Variants in TRIM39 observed in about 807,000 individuals in gnomAD.
TRIM39 encodes the protein tripartite motif containing 39.
A neutral mutation model predicts 53.6 loss-of-function variants in TRIM39; 5 were observed. That is an observed-to-expected ratio of 0.09 (90% CI 0.05 to 0.20). The LOEUF is 0.20. TRIM39 is among the 10% of genes least tolerant of loss of function. TRIM39 has a pLI of 1.00. For synonymous variants in TRIM39, 196 were observed against 237.6 expected, an observed-to-expected ratio of 0.82 and a Z score of 1.61; for missense variants, 310 against 621.0, an observed-to-expected ratio of 0.50 and a Z score of 5.32.
At chr6:30,333,982 C>T (rs1786545656) in intron 4 of TRIM39, among the ~76,000 whole-genome samples, 1 of 152,024 alleles carries the variant, frequency 6.6e-6, no homozygotes, top group Non-Finnish European at 1.5e-5. Flanking sequence ...AACACACATG[C>T]ATGCACACAC....
At position 30,341,876 on chromosome 6, in the gene TRIM39, C is replaced by T; in HGVS notation, c.1084C>T (p.Arg362Ter). 6.2e-7 allele frequency: 1 copy of T among 1,612,916 alleles called. No homozygotes were observed. The highest frequency in any genetic ancestry group is 8.5e-7 in the Non-Finnish European group (1 of 1,180,008). Residue 362 changes from arginine to a stop codon, truncating the protein, a stop_gained, in exon 8 of 8, where the codon CGA becomes TGA. Coordinates refer to ENST00000396551, the Ensembl canonical transcript of TRIM39. LOFTEE classifies it high-confidence loss of function. ...GGCTACTGAGGGTTTCACCTCAGGTCGACACTACTGGGAGGTGGAGGTGGG... is the reference window on the plus strand; with the variant it reads ...GGCTACTGAGGGTTTCACCTCAGGTTGACACTACTGGGAGGTGGAGGTGGG...
At chr6:30,333,058 A>G (rs1405392100) in intron 4 of TRIM39, among the ~76,000 whole-genome samples, 1 of 152,328 alleles carries the variant, frequency 6.6e-6, no homozygotes, top group East Asian at 1.9e-4. Flanking sequence ...TTTACAGTGT[A>G]GCTGGTTATA....
At chr6:30,334,121 C>G (rs1212274503) in intron 4 of TRIM39, among the ~76,000 whole-genome samples, 1 of 152,218 alleles carries the variant, frequency 6.6e-6, no homozygotes, top group Non-Finnish European at 1.5e-5. Context: ...ACTAGAAGAG[C>G]TAGTCAGCCT....
chr6:30,330,348 T>C (rs1469456350), intron 3 of TRIM39, among the ~76,000 whole-genome samples: 1 of 152,254 alleles, frequency 6.6e-6, no homozygotes, highest in African/African-American at 2.4e-5. Context: ...TATGTTACTC[T>C]TGAAAACAAG....
At position 30,338,365 on chromosome 6, in the gene TRIM39, TG is replaced by T. The variant is rs1281505866; in HGVS notation, c.781-1542del. On this transcript the variant is annotated intron_variant, in intron 5 of 7. Transcript: ENST00000396551. This position sits in a 1 kb window ranked among gnomAD's most constrained non-coding sequence, Gnocchi z 4.0. ...AGAGACATGTGATTCTTCTTTCACA[TG>T]AACACTTAGAGGCCATTGCAGGATT... is the stretch of plus-strand genomic sequence containing the variant. 6.6e-6 allele frequency among the ~76,000 whole-genome samples: 1 copy of T among 152,102 alleles called. No individual in the cohort carries two copies. Among genetic ancestry groups the T allele is most frequent in the Non-Finnish European group, 1.5e-5 (1 of 68,008 alleles).
intron 4 of TRIM39, among the ~76,000 whole-genome samples, chr6:30,334,009 A>C (rs1445242862): frequency 6.6e-6 from 1 of 152,174 alleles, no homozygotes; most frequent in East Asian, 1.9e-4. Flanking sequence ...AAACACACAC[A>C]CACAAAGGCT....
Position 30,335,962 on chromosome 6 carries a change from T to G in TRIM39, c.767T>G (p.Phe256Cys). 1 of 1,612,902 alleles carries G rather than the reference T, an allele frequency of 6.2e-7. No homozygotes were observed. The highest frequency in any genetic ancestry group is 8.5e-7 in the Non-Finnish European group (1 of 1,180,020). Residue 256 changes from phenylalanine to cysteine, a missense_variant, in exon 5 of 8, where the codon TTC (phenylalanine) becomes TGC (cysteine). Phe to Cys is a radical substitution (Grantham distance 205, BLOSUM62 -2). Around this residue, in one of 5 missense-constraint regions of TRIM39, gnomAD observed 161 missense variants for 210.0 expected, o/e 0.77. Transcript: ENST00000396551. The surrounding 1 kb of genome is among the most constrained non-coding windows in gnomAD (Gnocchi z 4.7). ...GAGGGCAAGTGCTTACAGTCAGGCTTCGAGATGCTTAAGGTTCGACCTTTG... is the reference window on the plus strand; with the variant it reads ...GAGGGCAAGTGCTTACAGTCAGGCTGCGAGATGCTTAAGGTTCGACCTTTG...
rs1213227344 is a variant in TRIM39, at chr6:30,342,362, C to T, written c.*103C>T. 1.0e-5 allele frequency: 13 copies of T among 1,248,136 alleles called. No individual in the cohort carries two copies. The highest frequency in any genetic ancestry group is 2.3e-6 in the Non-Finnish European group (2 of 884,614). 77.3% of individuals were successfully genotyped at this position (1,248,136 alleles called of 1,614,324 possible). A position where few individuals can be genotyped will look rare whatever the true frequency, so the allele number is the denominator to read the frequency against. ...TCTTCGTGTCCACCTGGGTCCAGTC[C>T]TGAATCATCTTGGAGAAACACCTTG... On this transcript the variant is annotated 3_prime_UTR_variant, in exon 8 of 8. Transcript: ENST00000396551. The surrounding 1 kb of genome is among the most constrained non-coding windows in gnomAD (Gnocchi z 4.7).
intron 5 of TRIM39, among the ~76,000 whole-genome samples, chr6:30,337,131 G>A (rs149904386): frequency 2.0e-5 from 3 of 152,218 alleles, no homozygotes; most frequent in African/African-American, 7.2e-5. Flanking sequence ...GGTTGGGCAC[G>A]GTGGCTTACA....
At chr6:30,333,882 A>G (rs1786530275) in intron 4 of TRIM39, among the ~76,000 whole-genome samples, 1 of 152,204 alleles carries the variant, frequency 6.6e-6, no homozygotes. Context: ...TGAAAAAAAG[A>G]GAAAAGATTA....
At chr6:30,340,005 T>G in intron 6 of TRIM39, 75 bp downstream of exon 6, 28 of 1,610,258 alleles carry the variant, frequency 1.7e-5, no homozygotes, top group Non-Finnish European at 2.3e-5. Context: ...GGAGTTTGGG[T>G]TGGGGGTGAG....
rs1786735405 is a variant in TRIM39 at position 30,335,398 on chromosome 6, T to G, written c.550-347T>G. 6.6e-6 allele frequency among the ~76,000 whole-genome samples: 1 copy of G among 152,190 alleles called. No homozygotes were observed. The highest frequency in any genetic ancestry group is 6.5e-5 in the Admixed American group (1 of 15,276). On this transcript the variant is annotated intron_variant, in intron 4 of 7. Transcript: ENST00000396551. The surrounding 1 kb of genome is among the most constrained non-coding windows in gnomAD (Gnocchi z 4.7). ...CAATGGTGCAACAATTTCAGCTTAC[T>G]CCAACCTCTGCCTTCTTTGCTCAAG...
intron 7 of TRIM39, 114 bp from the exon 8 acceptor site, chr6:30,341,598 G>A (rs1468769314): frequency 1.4e-6 from 2 of 1,453,030 alleles, no homozygotes; most frequent in Non-Finnish European, 1.8e-6. Flanking sequence ...AAACCAGGTT[G>A]TTCTGGGGAC....
chr6:30,336,006 G>A, intron 5 of TRIM39, 31 bp downstream of exon 5: 2 of 1,612,266 alleles, frequency 1.2e-6, no homozygotes, highest in Non-Finnish European at 1.7e-6. Flanking sequence ...TAGCCCCTCA[G>A]GCTGAGTGCA....
In TRIM39 at chr6:30,335,618, C is replaced by A; in HGVS notation, c.550-127C>A. 1 of 1,285,948 alleles carries A rather than the reference C, an allele frequency of 7.8e-7. No homozygotes were observed. The highest frequency in any genetic ancestry group is 1.5e-5 in the South Asian group (1 of 65,584). 79.7% of individuals were successfully genotyped at this position (1,285,948 alleles called of 1,614,324 possible). A position where few individuals can be genotyped will look rare whatever the true frequency, so the allele number is the denominator to read the frequency against. On this transcript the variant is annotated intron_variant, in intron 4 of 7. Transcript: ENST00000396551. The surrounding 1 kb of genome is among the most constrained non-coding windows in gnomAD (Gnocchi z 4.7). The stretch of plus-strand genomic sequence containing the variant: ...GATTACAGTCATGTGTCACCACACC[C>A]AGCCTTTGTTAAACCATTTTCAATG...
chr6:30,340,006 TG>T (rs1787308607), intron 6 of TRIM39, 76 bp downstream of exon 6: 4 of 1,610,120 alleles, frequency 2.5e-6, no homozygotes, highest in African/African-American at 1.3e-5. Flanking sequence ...GAGTTTGGGT[TG>T]GGGGTGAGGT....
chr6:30,331,799 C>A (rs1419472580), intron 4 of TRIM39, among the ~76,000 whole-genome samples: 1 of 152,174 alleles, frequency 6.6e-6, no homozygotes, highest in Non-Finnish European at 1.5e-5. Flanking sequence ...CAATTTTGCA[C>A]CTCTTTTATA....
chr6:30,335,742 C>G lies in TRIM39; in HGVS notation c.550-3C>G. The G allele has an allele frequency of 6.2e-7, 1 of 1,612,560 alleles. No homozygotes were observed. The highest frequency in any genetic ancestry group is 8.5e-7 in the Non-Finnish European group (1 of 1,179,776). ...TGATACAACATCTTCCCTCTCTTCT[C>G]AGAGACTAGTGGAAAGTCGCCGACA... On this transcript the variant is annotated splice_region_variant and splice_polypyrimidine_tract_variant and intron_variant, in intron 4 of 7. Coordinates refer to ENST00000396551, the Ensembl canonical transcript of TRIM39. The surrounding 1 kb of genome is among the most constrained non-coding windows in gnomAD (Gnocchi z 4.7).
chr6:30,339,243 T>C lies in TRIM39; in HGVS notation c.781-665T>C, dbSNP rs7452694. ...GGCTCACTGCAACCTTTGCCTCCTGTGTTCAAGCGATTCTCCTGCCTCAGC... is the reference window on the plus strand; with the variant it reads ...GGCTCACTGCAACCTTTGCCTCCTGCGTTCAAGCGATTCTCCTGCCTCAGC... On this transcript the variant is annotated intron_variant, in intron 5 of 7. Coordinates refer to ENST00000396551, the Ensembl canonical transcript of TRIM39. This position sits in a 1 kb window ranked among gnomAD's most constrained non-coding sequence, Gnocchi z 4.2. Among the ~76,000 whole-genome samples the C allele has an allele frequency of 0.29, 43,681 of 151,656 alleles. 6,681 individuals carry two copies. The highest frequency in any genetic ancestry group is 0.48 in the East Asian group (2,454 of 5,166).
Sources: allele counts gnomAD v4.1 joint callset (sites outside exome capture counted in the v4.1 genomes callset), GRCh38; gene constraint gnomAD v4.1.1; regional missense constraint gnomAD v4.1.1; non-coding constraint Gnocchi (gnomAD v3.1); transcripts MANE v1.5; gene names NCBI Gene and HGNC (gene_info 2026-07-23, HGNC 2026-07-21).